GALNT1: variants seen among roughly 807,000 people sequenced by gnomAD.
The protein encoded by GALNT1 is polypeptide N-acetylgalactosaminyltransferase 1.
GALNT1 carries 17 observed loss-of-function variants against 65.7 expected under a neutral mutation model. The ratio of observed to expected loss-of-function variants is 0.26; its 90% CI spans 0.18 to 0.39. The LOEUF (loss-of-function observed/expected upper bound fraction) is 0.39. Ranked by LOEUF, GALNT1 falls within the 10% of genes least tolerant of loss-of-function variation. The probability of loss-of-function intolerance (pLI) is 1.00; values close to 1 mark genes in which losing one functional copy is unlikely to be tolerated. For synonymous variants in GALNT1, 210 were observed against 219.7 expected, an observed-to-expected ratio of 0.96 and a Z score of 0.39; for missense variants, 460 against 672.8, an observed-to-expected ratio of 0.68 and a Z score of 3.50.
intron 4 of GALNT1, among the ~76,000 whole-genome samples, chr18:35,681,612 G>A (rs1424290424): frequency 6.6e-6 from 1 of 152,004 alleles, no homozygotes; most frequent in Non-Finnish European, 1.5e-5. Flanking sequence ...AAAACTTGTT[G>A]GGAGACGCAT....
chr18:35,619,903 A>G (rs1320183585), intron 1 of GALNT1, among the ~76,000 whole-genome samples: 2 of 152,338 alleles, frequency 1.3e-5, no homozygotes, highest in Non-Finnish European at 1.5e-5. Context: ...AGCCTATTCA[A>G]AAGTACAGTT....
chr18:35,581,953 C>A (rs1484958412), intron 1 of GALNT1, 91 bp downstream of exon 1: 1 of 151,896 alleles, frequency 6.6e-6, no homozygotes, highest in Admixed American at 6.6e-5. Context: ...GCGGCCGCGT[C>A]CCCGGTCCCT....
intron 3 of GALNT1, among the ~76,000 whole-genome samples, chr18:35,675,211 T>C (rs1419784578): frequency 6.6e-6 from 1 of 152,148 alleles, no homozygotes; most frequent in Non-Finnish European, 1.5e-5. Flanking sequence ...GCTAAAGGGC[T>C]CTTTGGTTCT....
At chr18:35,616,908 G>C (rs2046790395) in intron 1 of GALNT1, among the ~76,000 whole-genome samples, 1 of 152,102 alleles carries the variant, frequency 6.6e-6, no homozygotes, top group Admixed American at 6.5e-5. Flanking sequence ...ACTTGAAAGG[G>C]TTGTTATTAG....
At chr18:35,628,730 G>A (rs1400151959) in intron 1 of GALNT1, among the ~76,000 whole-genome samples, 3 of 152,230 alleles carry the variant, frequency 2.0e-5, no homozygotes, top group Admixed American at 6.5e-5. Context: ...TGACTTTGAC[G>A]AGTTGAGTGA....
chr18:35,645,885 C>T (rs746820235), intron 1 of GALNT1, among the ~76,000 whole-genome samples: 7 of 152,150 alleles, frequency 4.6e-5, no homozygotes, highest in South Asian at 2.1e-4. Context: ...TTGAAGTTTT[C>T]GGTTGCTGAG....
intron 2 of GALNT1, among the ~76,000 whole-genome samples, chr18:35,657,075 AT>A (rs111262275): frequency 2.3e-4 from 35 of 150,180 alleles, no homozygotes; most frequent in Middle Eastern, 3.4e-3. Flanking sequence ...TGAGTTTGGA[AT>A]TTTTTTTTTC....
chr18:35,644,230 A>G (rs1385860332), intron 1 of GALNT1, among the ~76,000 whole-genome samples: 17 of 152,192 alleles, frequency 1.1e-4, no homozygotes, highest in Non-Finnish European at 2.2e-4. Context: ...GGAATTTTGG[A>G]TTGATTATTT....
intron 1 of GALNT1, among the ~76,000 whole-genome samples, chr18:35,622,011 CTTG>C (rs750554147): frequency 3.8e-4 from 58 of 152,124 alleles, no homozygotes; most frequent in East Asian, 9.7e-4. Flanking sequence ...GTTCTCTGAC[CTTG>C]TTGTTTAAAA....
At chr18:35,629,522 A>G (rs936908637) in intron 1 of GALNT1, among the ~76,000 whole-genome samples, 8 of 152,178 alleles carry the variant, frequency 5.3e-5, no homozygotes, top group Non-Finnish European at 1.0e-4. Flanking sequence ...ATGCTGAGAG[A>G]TTTTGTCACC....
chr18:35,692,096 T>G (rs927226456), intron 8 of GALNT1, 85 bp from the exon 9 acceptor site: 3 of 1,203,012 alleles, frequency 2.5e-6, no homozygotes, highest in Admixed American at 2.0e-5. Flanking sequence ...CTGTTCTGAT[T>G]CATCTGGCTT....
In GALNT1 at chr18:35,687,130, T is replaced by C. The variant is rs2047880330; in HGVS notation, c.804T>C (p.Tyr268=). 3 of 1,613,826 alleles carry C rather than the reference T, an allele frequency of 1.9e-6. No individual in the cohort carries two copies. Among genetic ancestry groups the C allele is most frequent in the Non-Finnish European group, 1.7e-6 (2 of 1,179,874 alleles). The change falls in exon 6 of 12, where the codon TAT becomes TAC. Residue 268 remains tyrosine (Y), a synonymous_variant. Transcript: ENST00000269195. ...ACTGGAAGCTCAATTTTCGCTGGTA[T>C]CCTGTTCCCCAAAGAGAAATGGACA... The part of the protein sequence containing the change: ...GFNWKLNFRW[Y]PVPQREMDRR...
chr18:35,672,811 T>C (rs2047654934), intron 3 of GALNT1, among the ~76,000 whole-genome samples: 1 of 151,980 alleles, frequency 6.6e-6, no homozygotes, highest in South Asian at 2.1e-4. Context: ...TAAAAAGTAA[T>C]TTTAATAGCA....
intron 1 of GALNT1, among the ~76,000 whole-genome samples, chr18:35,604,136 G>A (rs1356209878): frequency 4.6e-5 from 7 of 151,852 alleles, no homozygotes; most frequent in Non-Finnish European, 1.5e-5. Context: ...GTGTCCATGT[G>A]TACTCAATGT....
chr18:35,658,526 C>T (rs921410034), intron 2 of GALNT1, among the ~76,000 whole-genome samples: 11 of 152,116 alleles, frequency 7.2e-5, no homozygotes, highest in African/African-American at 2.4e-4. Context: ...GCAGTAGGTG[C>T]TGAGAGGTCT....
intron 1 of GALNT1, among the ~76,000 whole-genome samples, chr18:35,619,509 CA>C (rs1394347833): frequency 6.6e-6 from 1 of 152,052 alleles, no homozygotes; most frequent in Non-Finnish European, 1.5e-5. Flanking sequence ...AAAAGTATGG[CA>C]CTGAGCTCTG....
At chr18:35,677,013 G>A (rs780347184) in intron 3 of GALNT1, among the ~76,000 whole-genome samples, 1 of 152,160 alleles carries the variant, frequency 6.6e-6, no homozygotes, top group South Asian at 2.1e-4. Context: ...CCCATCAAGA[G>A]TTGGAACAGC....
At chr18:35,692,990 T>C (rs1342294768) in intron 9 of GALNT1, among the ~76,000 whole-genome samples, 3 of 152,128 alleles carry the variant, frequency 2.0e-5, no homozygotes, top group African/African-American at 7.2e-5. Flanking sequence ...AATACAGCAA[T>C]AAGTAAAGCA....
chr18:35,626,261 C>G (rs751046742), intron 1 of GALNT1, among the ~76,000 whole-genome samples: 1 of 152,122 alleles, frequency 6.6e-6, no homozygotes, highest in Admixed American at 6.6e-5. Context: ...AGGGACTGAA[C>G]ATTTTTCATG....
Sources: gnomAD v4.1 joint callset for allele counts (sites outside exome capture counted in the v4.1 genomes callset) on GRCh38, gnomAD v4.1.1 for gene constraint, MANE v1.5 for transcripts, NCBI Gene and HGNC (gene_info 2026-07-23, HGNC 2026-07-21) for gene names.